Variants in CACNA2D3 observed in about 807,000 individuals in gnomAD.
CACNA2D3 encodes calcium voltage-gated channel auxiliary subunit alpha2delta 3, also known as voltage-dependent calcium channel subunit alpha-2/delta-3.
A neutral mutation model predicts 160.6 loss-of-function variants in CACNA2D3; 60 were observed. The ratio of observed to expected loss-of-function variants is 0.37; its 90% CI spans 0.30 to 0.46. The LOEUF is 0.46. CACNA2D3 is among the 20% of genes least tolerant of loss of function. The pLI is 1.00. For synonymous variants in CACNA2D3, 558 were observed against 492.9 expected (o/e 1.13, Z -1.75); for missense variants, 1,205 against 1,365.0 (o/e 0.88, Z 1.85).
At chr3:54,754,820 C>A (rs1266643700) in intron 12 of CACNA2D3, among the ~76,000 whole-genome samples, 2 of 151,950 alleles carry the variant, frequency 1.3e-5, no homozygotes, top group African/African-American at 4.8e-5. Flanking sequence ...GTTTTGATGG[C>A]CTAAGACAAA....
chr3:54,813,803 G>T (rs947262631), intron 13 of CACNA2D3, among the ~76,000 whole-genome samples: 1 of 151,276 alleles, frequency 6.6e-6, no homozygotes, highest in Admixed American at 6.6e-5. Flanking sequence ...GAAAAAAAGC[G>T]CAGGGAAATG....
At chr3:54,886,768 A>G (rs1485503037) in intron 23 of CACNA2D3, among the ~76,000 whole-genome samples, 2 of 151,926 alleles carry the variant, frequency 1.3e-5, no homozygotes, top group Admixed American at 6.6e-5. Context: ...TATAAAGTAT[A>G]TATGTACTAC....
At chr3:54,740,628 C>A (rs1277357405) in intron 11 of CACNA2D3, among the ~76,000 whole-genome samples, 1 of 152,190 alleles carries the variant, frequency 6.6e-6, no homozygotes, top group Non-Finnish European at 1.5e-5. Context: ...TTTGGAGAAT[C>A]ACAGGTAAAA....
chr3:54,581,977 T>C (rs1282694586), intron 9 of CACNA2D3, 100 bp downstream of exon 9: 1 of 921,768 alleles, frequency 1.1e-6, no homozygotes, highest in Non-Finnish European at 1.7e-6. Context: ...GCACTGCCCT[T>C]TCATTGAGGC....
chr3:54,659,746 C>G (rs1182230088), intron 11 of CACNA2D3, among the ~76,000 whole-genome samples: 1 of 152,156 alleles, frequency 6.6e-6, no homozygotes, highest in African/African-American at 2.4e-5. Context: ...CTTTGTAGTA[C>G]GTAAAGCAGT....
chr3:55,013,495 C>G (rs1325928788), intron 34 of CACNA2D3, among the ~76,000 whole-genome samples: 1 of 152,154 alleles, frequency 6.6e-6, no homozygotes, highest in Non-Finnish European at 1.5e-5. Flanking sequence ...AATATAAATC[C>G]CAGACCCAGC....
chr3:54,463,158 T>C (rs1273363169), intron 4 of CACNA2D3, among the ~76,000 whole-genome samples: 2 of 152,180 alleles, frequency 1.3e-5, no homozygotes, highest in African/African-American at 4.8e-5. Flanking sequence ...GTTAGTCTGA[T>C]GGGCTTCCCT....
At chr3:54,761,886 G>T (rs1702086535) in intron 12 of CACNA2D3, among the ~76,000 whole-genome samples, 1 of 152,112 alleles carries the variant, frequency 6.6e-6, no homozygotes, top group African/African-American at 2.4e-5. Context: ...AAATCCTCTG[G>T]GTGGGTCCCG....
intron 29 of CACNA2D3, 142 bp from the exon 30 acceptor site, chr3:54,984,466 C>CTT: frequency 3.1e-6 from 2 of 638,302 alleles, no homozygotes. Flanking sequence ...AACCAGCAGG[C>CTT]TTTTGCAATT....
intron 8 of CACNA2D3, among the ~76,000 whole-genome samples, chr3:54,575,460 C>G (rs1354670306): frequency 6.6e-6 from 1 of 152,072 alleles, no homozygotes; most frequent in Admixed American, 6.6e-5. Context: ...CATCAGTGAT[C>G]TTCTCTGCAA....
At chr3:54,522,767 G>C (rs1223378162) in intron 5 of CACNA2D3, among the ~76,000 whole-genome samples, 2 of 152,062 alleles carry the variant, frequency 1.3e-5, no homozygotes, top group Admixed American at 6.5e-5. Context: ...CCACTATTTT[G>C]ATAATGGCCT....
Position 54,705,016 on chromosome 3 carries a change from C to T in CACNA2D3, c.1168-47583C>T, listed in dbSNP as rs549960691. Among the ~76,000 whole-genome samples the T allele has an allele frequency of 1.4e-4, 21 of 152,212 alleles. 1 individual carries two copies. The South Asian group carries it at 4.4e-3, about 32-fold the overall frequency. On this transcript the variant is annotated intron_variant, in intron 11 of 37. Transcript: ENST00000474759. ...TGCTGGGTACAGAGCTACTGTGGAC[C>T]ATGGAGTGTAGCTGGCCCAGCCCCT...
intron 2 of CACNA2D3, among the ~76,000 whole-genome samples, chr3:54,310,880 A>G (rs549077074): frequency 1.3e-5 from 2 of 152,182 alleles, no homozygotes; most frequent in Non-Finnish European, 2.9e-5. Context: ...ACTGTCAAGG[A>G]AAGGACCCTG....
chr3:54,505,201 C>T (rs987341195), intron 5 of CACNA2D3, among the ~76,000 whole-genome samples: 3 of 152,126 alleles, frequency 2.0e-5, no homozygotes, highest in South Asian at 2.1e-4. Context: ...CTGGGGATTC[C>T]GAGGTGAATC....
chr3:54,804,389 A>T (rs1703065950), intron 13 of CACNA2D3, among the ~76,000 whole-genome samples: 1 of 152,170 alleles, frequency 6.6e-6, no homozygotes, highest in Non-Finnish European at 1.5e-5. Context: ...AAACAAAAAA[A>T]GTCAGGGGTT....
In CACNA2D3 at chr3:54,540,007, C is replaced by G. The variant is rs548247689; in HGVS notation, c.545-22793C>G. Among the ~76,000 whole-genome samples, 72 of 152,232 alleles carry G rather than the reference C, an allele frequency of 4.7e-4. 1 individual carries two copies. Among genetic ancestry groups the G allele is most frequent in the African/African-American group, 1.7e-3 (71 of 41,548 alleles). On this transcript the variant is annotated intron_variant, in intron 5 of 37. Transcript: ENST00000474759. ...GGTAGGAGTGAAATAATCACCAACT[C>G]AATTTGCAGCCGTCTTGGAAGAGAT...
chr3:54,742,332 C>T (rs533209101), intron 11 of CACNA2D3, among the ~76,000 whole-genome samples: 15 of 152,216 alleles, frequency 9.9e-5, no homozygotes, highest in African/African-American at 2.6e-4. Flanking sequence ...TCATGAGAAT[C>T]GCTTGAACCT....
chr3:54,666,888 C>T (rs1381475594), intron 11 of CACNA2D3, among the ~76,000 whole-genome samples: 4 of 152,296 alleles, frequency 2.6e-5, no homozygotes, highest in East Asian at 1.9e-4. Context: ...CTGTCTGGCT[C>T]GTCACCTGGG....
chr3:54,198,056 A>G (rs1414933638), intron 2 of CACNA2D3, among the ~76,000 whole-genome samples: 1 of 152,276 alleles, frequency 6.6e-6, no homozygotes, highest in Non-Finnish European at 1.5e-5. Context: ...AGTGAGAGTC[A>G]GAGGCCAGAC....
Sources: allele counts gnomAD v4.1 joint callset (sites outside exome capture counted in the v4.1 genomes callset), GRCh38; gene constraint gnomAD v4.1.1; transcripts MANE v1.5; gene names NCBI Gene and HGNC (gene_info 2026-07-23, HGNC 2026-07-21).